Variants in TPD52L1 observed in about 807,000 individuals in gnomAD.
The protein encoded by TPD52L1 is tumor protein D53.
TPD52L1 carries 18 observed loss-of-function variants against 28.7 expected under a neutral mutation model. The ratio of observed to expected loss-of-function variants is 0.63; its 90% CI spans 0.43 to 0.93. The LOEUF (loss-of-function observed/expected upper bound fraction) is 0.93, where lower values mean the gene tolerates loss of function less well. TPD52L1 is among the 40% of genes least tolerant of loss of function. The probability of loss-of-function intolerance (pLI) is 0.00; values close to 1 mark genes in which losing one functional copy is unlikely to be tolerated. For synonymous variants in TPD52L1, 75 were observed against 88.8 expected, an observed-to-expected ratio of 0.84 and a Z score of 0.88; for missense variants, 203 against 254.8, an observed-to-expected ratio of 0.80 and a Z score of 1.39.
At position 125,217,322 on chromosome 6, in the gene TPD52L1, T is replaced by C. The variant is rs974775480; in HGVS notation, c.20-2756T>C. Among the ~76,000 whole-genome samples the C allele has an allele frequency of 2.6e-5, 4 of 152,202 alleles. 1 individual carries two copies. Among genetic ancestry groups the C allele is most frequent in the Non-Finnish European group, 5.9e-5 (4 of 68,050 alleles). Reference sequence around the variant, plus strand: ...ACATTGTAATATATAATGAAATAATTATACAACTCACCATAATGTAAAATC... The same window carrying C: ...ACATTGTAATATATAATGAAATAATCATACAACTCACCATAATGTAAAATC... On this transcript the variant is annotated intron_variant, in intron 1 of 6. Transcript: ENST00000534000.
chr6:125,219,934 G>A (rs1795123209), intron 1 of TPD52L1, 144 bp from the exon 2 acceptor site: 11 of 707,276 alleles, frequency 1.6e-5, no homozygotes, highest in South Asian at 1.5e-4. Context: ...ACACATTTAG[G>A]AGGATTTTTG....
intron 1 of TPD52L1, among the ~76,000 whole-genome samples, chr6:125,193,137 T>A (rs1793170442): frequency 6.6e-6 from 1 of 152,148 alleles, no homozygotes; most frequent in African/African-American, 2.4e-5. Context: ...TGCTGATAAT[T>A]GTGTTGCTAG....
intron 2 of TPD52L1, among the ~76,000 whole-genome samples, chr6:125,222,210 A>G (rs1452597489): frequency 2.0e-5 from 3 of 152,226 alleles, no homozygotes; most frequent in Admixed American, 6.5e-5. Flanking sequence ...CAATTTTAAC[A>G]AGGACACATA....
chr6:125,247,245 CAGA>C (rs1162858804), intron 3 of TPD52L1, among the ~76,000 whole-genome samples: 1 of 151,916 alleles, frequency 6.6e-6, no homozygotes. Flanking sequence ...CAGCATAAAT[CAGA>C]AGAAGACAGC....
chr6:125,232,813 G>A (rs1796028459), intron 3 of TPD52L1, among the ~76,000 whole-genome samples: 2 of 152,056 alleles, frequency 1.3e-5, no homozygotes, highest in African/African-American at 2.4e-5. Flanking sequence ...AGGGATCATC[G>A]GTATCCAGGG....
chr6:125,253,484 A>G (rs1797401022), intron 4 of TPD52L1: 1 of 529,554 alleles, frequency 1.9e-6, no homozygotes. Context: ...GGCTGCAGAA[A>G]GTAAAATAAT....
At chr6:125,204,444 A>T (rs1793980907) in intron 1 of TPD52L1, among the ~76,000 whole-genome samples, 1 of 152,142 alleles carries the variant, frequency 6.6e-6, no homozygotes, top group Admixed American at 6.5e-5. Flanking sequence ...CAACACTTTA[A>T]GAAGAAATGT....
At chr6:125,203,582 TG>T (rs978326256) in intron 1 of TPD52L1, 1 of 978,502 alleles carries the variant, frequency 1.0e-6, no homozygotes, top group African/African-American at 1.8e-5. Context: ...GTAGAGCTGT[TG>T]TTTGTCTGCA....
At chr6:125,156,729 A>T (rs999390147) in intron 1 of TPD52L1, among the ~76,000 whole-genome samples, 2 of 152,144 alleles carry the variant, frequency 1.3e-5, no homozygotes, top group African/African-American at 4.8e-5. Context: ...TGATTACATC[A>T]CTGCACCCCA....
intron 1 of TPD52L1, among the ~76,000 whole-genome samples, chr6:125,177,833 A>AT (rs1791916690): frequency 1.3e-5 from 2 of 152,316 alleles, no homozygotes; most frequent in Admixed American, 1.3e-4. Flanking sequence ...ATAGTATGAT[A>AT]TTAACTGATA....
chr6:125,173,499 T>G (rs539921410), intron 1 of TPD52L1, among the ~76,000 whole-genome samples: 1 of 152,288 alleles, frequency 6.6e-6, no homozygotes, highest in African/African-American at 2.4e-5. Context: ...CTGATCTTGG[T>G]TTCACCACCA....
At chr6:125,248,415 T>G in intron 4 of TPD52L1, 32 bp downstream of exon 4, 6 of 1,552,412 alleles carry the variant, frequency 3.9e-6, no homozygotes, top group Non-Finnish European at 5.3e-6. Flanking sequence ...GGAACGGCGC[T>G]AAGCCCTTGG....
chr6:125,240,146 T>C (rs1796531095), intron 3 of TPD52L1, among the ~76,000 whole-genome samples: 1 of 152,176 alleles, frequency 6.6e-6, no homozygotes, highest in Non-Finnish European at 1.5e-5. Context: ...AGTATTGGCT[T>C]CATTTCTGGA....
chr6:125,218,302 A>G (rs2114956051), intron 1 of TPD52L1, among the ~76,000 whole-genome samples: 1 of 152,290 alleles, frequency 6.6e-6, no homozygotes, highest in South Asian at 2.1e-4. Context: ...AGCGTGAACT[A>G]ATTTAATTTG....
chr6:125,218,048 C>T (rs186254188), intron 1 of TPD52L1, among the ~76,000 whole-genome samples: 4 of 152,176 alleles, frequency 2.6e-5, no homozygotes, highest in Admixed American at 2.0e-4. Context: ...TTATTAATGG[C>T]GTCTGATGTG....
At chr6:125,156,976 G>C (rs917647722) in intron 1 of TPD52L1, among the ~76,000 whole-genome samples, 1 of 152,044 alleles carries the variant, frequency 6.6e-6, no homozygotes, top group Non-Finnish European at 1.5e-5. Context: ...CAGAGATATT[G>C]AGTTATTTAA....
chr6:125,161,645 T>C (rs1243612701), intron 1 of TPD52L1, among the ~76,000 whole-genome samples: 3 of 152,044 alleles, frequency 2.0e-5, no homozygotes, highest in Admixed American at 6.5e-5. Flanking sequence ...GGGAGAGAGA[T>C]AGGGAAATGG....
Position 125,195,297 on chromosome 6 carries a change from T to A in TPD52L1, c.20-24781T>A, listed in dbSNP as rs116817597. Among the ~76,000 whole-genome samples the A allele has an allele frequency of 7.1e-3, 1,084 of 152,298 alleles. 15 individuals carry two copies. Among genetic ancestry groups the A allele is most frequent in the African/African-American group, 0.025 (1,048 of 41,558 alleles). On this transcript the variant is annotated intron_variant, in intron 1 of 6. Coordinates refer to ENST00000534000, the MANE Select transcript of TPD52L1 (RefSeq NM_003287.4). ...CAGAACAAGAACAATAAGAAACAAG[T>A]TGTTCTATAATCTGAGAAACAGAAG... is the stretch of plus-strand genomic sequence containing the variant.
intron 1 of TPD52L1, among the ~76,000 whole-genome samples, chr6:125,212,187 T>A (rs1193199205): frequency 6.6e-6 from 1 of 152,182 alleles, no homozygotes; most frequent in African/African-American, 2.4e-5. Context: ...AAATCTATTA[T>A]TTAAAACATG....
Sources: gnomAD v4.1 joint callset for allele counts (sites outside exome capture counted in the v4.1 genomes callset) on GRCh38, gnomAD v4.1.1 for gene constraint, MANE v1.5 for transcripts, NCBI Gene and HGNC (gene_info 2026-07-23, HGNC 2026-07-21) for gene names.